The following SLC25A21 variants were observed in gnomAD, a reference collection of about 807,000 sequenced individuals.
The protein encoded by SLC25A21 is mitochondrial 2-oxodicarboxylate carrier.
A neutral mutation model predicts 43.8 loss-of-function variants in SLC25A21; 47 were observed. The ratio of observed to expected loss-of-function variants is 1.07; its 90% CI spans 0.85 to 1.37. The LOEUF (loss-of-function observed/expected upper bound fraction) is 1.37, where lower values mean the gene tolerates loss of function less well. Ranked by LOEUF, SLC25A21 falls within the 40% of genes most tolerant of loss-of-function variation. The pLI is 0.00. For synonymous variants in SLC25A21, 131 were observed against 121.3 expected (o/e 1.08, Z -0.52); for missense variants, 352 against 350.2 (o/e 1.00, Z -0.04).
At chr14:36,959,512 G>T (rs1959434269) in intron 1 of SLC25A21, among the ~76,000 whole-genome samples, 1 of 152,106 alleles carries the variant, frequency 6.6e-6, no homozygotes. Flanking sequence ...ATTTTCCAGG[G>T]CCTGAGGGTT....
At chr14:36,760,835 A>G (rs1278456426) in intron 3 of SLC25A21, among the ~76,000 whole-genome samples, 2 of 151,946 alleles carry the variant, frequency 1.3e-5, no homozygotes, top group African/African-American at 2.4e-5. Context: ...GTGGAGGGGG[A>G]AAGGGAAGGA....
intron 6 of SLC25A21, among the ~76,000 whole-genome samples, chr14:36,712,654 C>T (rs1331579893): frequency 6.6e-6 from 1 of 152,122 alleles, no homozygotes; most frequent in Admixed American, 6.6e-5. Flanking sequence ...TACAATTCTA[C>T]ACTCAACTTC....
chr14:37,171,204 T>C (rs975703666), intron 1 of SLC25A21, among the ~76,000 whole-genome samples: 29 of 152,020 alleles, frequency 1.9e-4, no homozygotes, highest in African/African-American at 2.4e-4. Context: ...TAATGTGATA[T>C]TGATGAAATA....
intron 1 of SLC25A21, among the ~76,000 whole-genome samples, chr14:36,971,752 T>C (rs1032997680): frequency 3.1e-4 from 47 of 152,254 alleles, no homozygotes; most frequent in African/African-American, 1.1e-3. Flanking sequence ...CTCGGGTATT[T>C]ACCCCAGACA....
intron 1 of SLC25A21, among the ~76,000 whole-genome samples, chr14:37,026,613 T>A (rs1961098129): frequency 6.6e-6 from 1 of 152,220 alleles, no homozygotes; most frequent in Non-Finnish European, 1.5e-5. Flanking sequence ...TGTCCCATAC[T>A]CAAGTAAGTT....
intron 1 of SLC25A21, among the ~76,000 whole-genome samples, chr14:37,034,173 C>T (rs1029789333): frequency 3.3e-5 from 5 of 152,026 alleles, no homozygotes; most frequent in South Asian, 2.1e-4. Context: ...CCTGCCACTA[C>T]GCCCAGCTAA....
intron 1 of SLC25A21, among the ~76,000 whole-genome samples, chr14:37,110,580 T>G (rs1010446902): frequency 1.3e-5 from 2 of 152,054 alleles, no homozygotes; most frequent in African/African-American, 4.8e-5. Flanking sequence ...AGAGAGCAAT[T>G]AGGTCATTTC....
rs1014385368 is a variant in SLC25A21, at chr14:36,803,193, C to T, written c.203+10725G>A. Reference sequence around the variant, plus strand: ...AGGTCTGTGGCAGGCTCTGGGAGAACAGTTTGAAAACAGGGTTGTAGACAG... The same window carrying T: ...AGGTCTGTGGCAGGCTCTGGGAGAATAGTTTGAAAACAGGGTTGTAGACAG... On this transcript the variant is annotated intron_variant, in intron 3 of 9. Transcript: ENST00000331299. Among the ~76,000 whole-genome samples, 7 of 152,138 alleles carry T rather than the reference C, an allele frequency of 4.6e-5. No homozygotes were observed. In the East Asian group the frequency reaches 1.2e-3, roughly 25 times the overall value.
intron 2 of SLC25A21, among the ~76,000 whole-genome samples, chr14:36,829,815 T>G (rs991215663): frequency 1.3e-5 from 2 of 152,206 alleles, no homozygotes; most frequent in Non-Finnish European, 2.9e-5. Context: ...AGGAGGACAT[T>G]TGCAGACACT....
chr14:36,979,089 A>G (rs1959950821), intron 1 of SLC25A21, among the ~76,000 whole-genome samples: 2 of 152,114 alleles, frequency 1.3e-5, no homozygotes, highest in East Asian at 1.9e-4. Flanking sequence ...CCCTGTATCA[A>G]AAAAAACAGT....
intron 1 of SLC25A21, among the ~76,000 whole-genome samples, chr14:37,035,793 G>A (rs1339854305): frequency 1.3e-5 from 2 of 152,194 alleles, no homozygotes; most frequent in South Asian, 2.1e-4. Context: ...GCCGCCAATG[G>A]TTCCCAGCTA....
chr14:36,705,534 G>T (rs1352963059), intron 7 of SLC25A21, among the ~76,000 whole-genome samples: 3 of 151,902 alleles, frequency 2.0e-5, no homozygotes, highest in African/African-American at 7.3e-5. Flanking sequence ...TTAATATAAA[G>T]AATAAATACT....
intron 4 of SLC25A21, among the ~76,000 whole-genome samples, chr14:36,731,218 C>G (rs1213982258): frequency 6.6e-6 from 1 of 152,202 alleles, no homozygotes; most frequent in Admixed American, 6.5e-5. Context: ...CGTGATCCGA[C>G]CGCCTCGGCC....
intron 1 of SLC25A21, among the ~76,000 whole-genome samples, chr14:36,912,472 A>G (rs970664033): frequency 2.0e-5 from 3 of 152,216 alleles, no homozygotes; most frequent in East Asian, 3.8e-4. Context: ...CAGGCACTAA[A>G]CAAATCTGAG....
Position 36,978,443 on chromosome 14 carries a change from AG to A in SLC25A21, c.71-103440del, listed in dbSNP as rs1277085170. Among the ~76,000 whole-genome samples the A allele has an allele frequency of 2.0e-5, 3 of 152,314 alleles. No individual in the cohort carries two copies. The East Asian group carries it at 5.8e-4, about 29-fold the overall frequency. On this transcript the variant is annotated intron_variant, in intron 1 of 9. Transcript: ENST00000331299. ...TATTGCTAACAAATGCTAACGAAGT[AG>A]GTACATGTTGCTAGGAAAATGGCAC... is the stretch of plus-strand genomic sequence containing the variant.
intron 1 of SLC25A21, among the ~76,000 whole-genome samples, chr14:36,966,357 T>C (rs1214595915): frequency 6.6e-6 from 1 of 152,182 alleles, no homozygotes; most frequent in East Asian, 1.9e-4. Flanking sequence ...AGGACCTCCA[T>C]GCAATGTGAA....
chr14:36,737,583 AC>A (rs1885095570), intron 3 of SLC25A21, among the ~76,000 whole-genome samples: 1 of 152,168 alleles, frequency 6.6e-6, no homozygotes, highest in Non-Finnish European at 1.5e-5. Flanking sequence ...CATTGCTTTT[AC>A]CGTATATCCA....
intron 1 of SLC25A21, among the ~76,000 whole-genome samples, chr14:36,900,545 G>C (rs2138596924): frequency 6.6e-6 from 1 of 152,132 alleles, no homozygotes; most frequent in South Asian, 2.1e-4. Flanking sequence ...CAATGACAAT[G>C]GTACTGGGAT....
Position 36,956,853 on chromosome 14 carries a change from T to C in SLC25A21, c.71-81849A>G, listed in dbSNP as rs1398089946. On this transcript the variant is annotated intron_variant, in intron 1 of 9. Transcript: ENST00000331299. ...TATGACAAAAAGAGATACATTCATT[T>C]ATACATCATGTCATGTGGATTGGCC... Among the ~76,000 whole-genome samples the C allele has an allele frequency of 3.3e-5, 5 of 152,252 alleles. No individual in the cohort carries two copies. The South Asian group carries it at 6.2e-4, about 19-fold the overall frequency.
Sources: allele counts gnomAD v4.1 joint callset (sites outside exome capture counted in the v4.1 genomes callset), GRCh38; gene constraint gnomAD v4.1.1; transcripts MANE v1.5; gene names NCBI Gene and HGNC (gene_info 2026-07-23, HGNC 2026-07-21).